The following CHD6 variants were observed in gnomAD, a reference collection of about 807,000 sequenced individuals.
CHD6 encodes ATP-dependent chromatin remodeler CHD6.
Under a neutral mutation model 276.9 loss-of-function variants are expected in CHD6, and 50 were observed. The observed-to-expected ratio is 0.18, with a 90% CI of 0.14 to 0.23. The LOEUF is 0.23. CHD6 is among the 10% of genes least tolerant of loss of function. The pLI is 1.00. For missense variants in CHD6, 2,564 were observed against 3,365.8 expected (o/e 0.76, Z 5.89); for synonymous variants, 1,173 against 1,229.3 (o/e 0.95, Z 0.96).
At chr20:41,451,250 G>A (rs2048231057) in intron 22 of CHD6, 145 bp from the exon 23 acceptor site, 1 of 664,128 alleles carries the variant, frequency 1.5e-6, no homozygotes, top group East Asian at 2.7e-5. Context: ...CACAGGTGGT[G>A]GTGGTAGGAA....
intron 1 of CHD6, among the ~76,000 whole-genome samples, chr20:41,573,825 C>T (rs987149746): frequency 6.6e-6 from 1 of 152,140 alleles, no homozygotes; most frequent in South Asian, 2.1e-4. Context: ...GTAGTTCACT[C>T]TACATTTCAC....
chr20:41,490,066 A>C, intron 11 of CHD6, 45 bp from the exon 12 acceptor site: 2 of 1,555,448 alleles, frequency 1.3e-6, no homozygotes, highest in Non-Finnish European at 1.8e-6. Flanking sequence ...CAATATAGGA[A>C]ACTTATAGAG....
At chr20:41,584,617 T>C (rs2045573925) in intron 1 of CHD6, among the ~76,000 whole-genome samples, 1 of 152,196 alleles carries the variant, frequency 6.6e-6, no homozygotes. Flanking sequence ...ATTAAAATTA[T>C]ATTATCCAAC....
At chr20:41,500,743 C>G (rs538678295) in intron 5 of CHD6, among the ~76,000 whole-genome samples, 1 of 152,130 alleles carries the variant, frequency 6.6e-6, no homozygotes, top group South Asian at 2.1e-4. Context: ...GGCAGGGATC[C>G]TTGTTTTATA....
intron 2 of CHD6, among the ~76,000 whole-genome samples, chr20:41,545,076 C>T (rs2045014200): frequency 6.6e-6 from 1 of 152,118 alleles, no homozygotes; most frequent in South Asian, 2.1e-4. Context: ...AGCTACGCAG[C>T]TCAACTTCTC....
intron 1 of CHD6, among the ~76,000 whole-genome samples, chr20:41,591,423 T>G (rs920507576): frequency 5.3e-5 from 8 of 151,350 alleles, no homozygotes; most frequent in African/African-American, 1.9e-4. Context: ...TATATACATA[T>G]ATATATAAAA....
At chr20:41,415,742 T>A in intron 33 of CHD6, 104 bp from the exon 34 acceptor site, 1 of 882,792 alleles carries the variant, frequency 1.1e-6, no homozygotes, top group Non-Finnish European at 1.7e-6. Context: ...TTGTTTCCAA[T>A]CATCTTTTTA....
At chr20:41,616,105 G>T (rs904988414) in intron 1 of CHD6, among the ~76,000 whole-genome samples, 6 of 152,144 alleles carry the variant, frequency 3.9e-5, no homozygotes, top group Non-Finnish European at 5.9e-5. Context: ...ACTGCCAAAG[G>T]TTCTTCCAGA....
At chr20:41,567,804 T>C (rs1319413549) in intron 1 of CHD6, among the ~76,000 whole-genome samples, 2 of 152,126 alleles carry the variant, frequency 1.3e-5, no homozygotes, top group Non-Finnish European at 2.9e-5. Flanking sequence ...CAAAATGACC[T>C]TGCTGGATGT....
rs749258802 is a variant in CHD6, at chr20:41,451,021, C to A, written c.3608G>T (p.Trp1203Leu). ...LLIPELKDAD[W>L]LATCNPEVVL... ...CACCTCGGGGTTGCAGGTGGCTAGCCAATCTGCATCCTTTAGCTCTGGGAT... is the reference window on the plus strand; with the variant it reads ...CACCTCGGGGTTGCAGGTGGCTAGCAAATCTGCATCCTTTAGCTCTGGGAT... The change falls in exon 23 of 37, where the codon TGG (tryptophan) becomes TTG (leucine). Residue 1203 changes from tryptophan (W) to leucine (L), a missense_variant. Physicochemically the swap from Trp to Leu is moderately conservative, Grantham distance 61. Transcript: ENST00000373233. The A allele has an allele frequency of 1.2e-6, 2 of 1,613,852 alleles. No homozygotes were observed. The highest frequency in any genetic ancestry group is 1.7e-6 in the Non-Finnish European group (2 of 1,179,860).
chr20:41,466,501 T>C (rs1304046008), intron 17 of CHD6, among the ~76,000 whole-genome samples: 1 of 152,234 alleles, frequency 6.6e-6, no homozygotes, highest in African/African-American at 2.4e-5. Context: ...TTGCTGGACC[T>C]TCTTTCTGTA....
At chr20:41,493,809 G>A in intron 9 of CHD6, 49 bp downstream of exon 9, 1 of 1,577,080 alleles carries the variant, frequency 6.3e-7, no homozygotes, top group Non-Finnish European at 8.7e-7. Flanking sequence ...TAAAACAAGT[G>A]AAATACGTGG....
intron 20 of CHD6, 100 bp downstream of exon 20, chr20:41,454,526 C>A: frequency 1.1e-6 from 1 of 877,636 alleles, no homozygotes; most frequent in Non-Finnish European, 1.8e-6. Context: ...ATTTAAGAAC[C>A]AAGACTCAAG....
chr20:41,511,586 C>G (rs2044120264), intron 5 of CHD6, among the ~76,000 whole-genome samples: 1 of 152,198 alleles, frequency 6.6e-6, no homozygotes, highest in Non-Finnish European at 1.5e-5. Flanking sequence ...CTTGTCCAAT[C>G]TGCAGGATAA....
In CHD6 at chr20:41,420,605, G is replaced by A; in HGVS notation, c.6030C>T (p.Phe2010=). The change falls in exon 31 of 37, where the codon TTC becomes TTT. Residue 2010 remains phenylalanine, a synonymous_variant. Transcript: ENST00000373233. ...WKESAEGQNV[F]PTYPLEGSEL... is the part of the protein sequence containing the mutation. ...CACTTCCTTCAAGAGGATATGTGGG[G>A]AAAACGTTTTGCCCCTCTGCACTTT... The A allele has an allele frequency of 1.2e-6, 2 of 1,614,158 alleles. No individual in the cohort carries two copies. The highest frequency in any genetic ancestry group is 1.7e-6 in the Non-Finnish European group (2 of 1,179,994).
intron 3 of CHD6, among the ~76,000 whole-genome samples, chr20:41,515,611 A>G (rs191241515): frequency 1.3e-3 from 204 of 152,326 alleles, no homozygotes; most frequent in Non-Finnish European, 2.5e-3. Context: ...CTACACTCCC[A>G]AAGCACTTCC....
intron 27 of CHD6, among the ~76,000 whole-genome samples, chr20:41,429,113 C>T (rs547122450): frequency 2.2e-4 from 34 of 152,272 alleles, no homozygotes; most frequent in African/African-American, 7.7e-4. Flanking sequence ...CAGCCACCTA[C>T]GGTAGGAACT....
At chr20:41,546,759 G>GT (rs1311465087) in intron 2 of CHD6, among the ~76,000 whole-genome samples, 1 of 151,982 alleles carries the variant, frequency 6.6e-6, no homozygotes, top group Non-Finnish European at 1.5e-5. Flanking sequence ...TTAAAATAAC[G>GT]TATTTCTTAG....
At chr20:41,584,714 A>T (rs1030920316) in intron 1 of CHD6, among the ~76,000 whole-genome samples, 2 of 152,210 alleles carry the variant, frequency 1.3e-5, no homozygotes, top group Non-Finnish European at 2.9e-5. Context: ...CAATACATGG[A>T]TCAAAAAGGA....
Sources: gnomAD v4.1 joint callset for allele counts (sites outside exome capture counted in the v4.1 genomes callset) on GRCh38, gnomAD v4.1.1 for gene constraint, MANE v1.5 for transcripts, NCBI Gene and HGNC (gene_info 2026-07-23, HGNC 2026-07-21) for gene names.